ATP2A2: variants seen among roughly 807,000 people sequenced by gnomAD.
The protein encoded by ATP2A2 is ATPase sarcoplasmic/endoplasmic reticulum Ca2+ transporting 2.
A neutral mutation model predicts 109.3 loss-of-function variants in ATP2A2; 14 were observed. The ratio of observed to expected loss-of-function variants is 0.13; its 90% CI spans 0.08 to 0.20. The LOEUF is 0.20. ATP2A2 is among the 10% of genes least tolerant of loss of function. The pLI, the probability that ATP2A2 is intolerant of heterozygous loss-of-function variation, is 1.00. For synonymous variants in ATP2A2, 506 were observed against 490.9 expected (o/e 1.03, Z -0.41); for missense variants, 657 against 1,321.6 (o/e 0.50, Z 7.80).
In ATP2A2 at chr12:110,348,540, G is replaced by A; in HGVS notation, c.*2070G>A. 1.0e-6 allele frequency: 1 copy of A among 985,554 alleles called. No homozygotes were observed. Among genetic ancestry groups the A allele is most frequent in the Non-Finnish European group, 1.2e-6 (1 of 830,062 alleles). 61.1% of individuals were successfully genotyped at this position (985,554 alleles called of 1,614,324 possible). A position where few individuals can be genotyped will look rare whatever the true frequency, so the allele number is the denominator to read the frequency against. ...GAGTTCAGAGGGCCCACGTTCAAGGGATGGAGGTGGAACCTGGAGACCGAC... is the reference window on the plus strand; with the variant it reads ...GAGTTCAGAGGGCCCACGTTCAAGGAATGGAGGTGGAACCTGGAGACCGAC... On this transcript the variant is annotated 3_prime_UTR_variant, in exon 20 of 20. Coordinates refer to ENST00000539276, the MANE Select transcript of ATP2A2 (RefSeq NM_170665.4).
intron 4 of ATP2A2, among the ~76,000 whole-genome samples, chr12:110,292,424 G>A (rs1241249062): frequency 2.6e-5 from 4 of 151,902 alleles, no homozygotes; most frequent in African/African-American, 4.8e-5. Flanking sequence ...GCACCACCAC[G>A]CCCAGCTCAT....
At chr12:110,324,845 T>TA (rs1251368524) in intron 6 of ATP2A2, among the ~76,000 whole-genome samples, 1 of 150,752 alleles carries the variant, frequency 6.6e-6, no homozygotes, top group Non-Finnish European at 1.5e-5. Flanking sequence ...TTTTTTTTTT[T>TA]AAAGACAGAG....
Position 110,346,561 on chromosome 12 carries a change from T to C in ATP2A2, c.*91T>C. On this transcript the variant is annotated 3_prime_UTR_variant, in exon 20 of 20. Transcript: ENST00000539276. The stretch of plus-strand genomic sequence containing the variant: ...TGTCTATTTCTGCTGAATTTTCACA[T>C]GAACATACTGGCTGGTGATGGAGGT... 1 of 1,568,638 alleles carries C rather than the reference T, an allele frequency of 6.4e-7. No homozygotes were observed. The highest frequency in any genetic ancestry group is 8.6e-7 in the Non-Finnish European group (1 of 1,161,320).
At chr12:110,320,734 T>C (rs756109817) in intron 5 of ATP2A2, among the ~76,000 whole-genome samples, 1 of 152,226 alleles carries the variant, frequency 6.6e-6, no homozygotes, top group African/African-American at 2.4e-5. Context: ...TCACCTTAGC[T>C]TGTGTGTCCC....
intron 3 of ATP2A2, among the ~76,000 whole-genome samples, chr12:110,287,290 G>A (rs1257229426): frequency 6.6e-6 from 1 of 152,052 alleles, no homozygotes; most frequent in African/African-American, 2.4e-5. Flanking sequence ...ATACTTATCA[G>A]AAGTATAATG....
At chr12:110,343,196 G>C (rs765981262) in intron 15 of ATP2A2, 36 bp from the exon 16 acceptor site, 2 of 1,600,520 alleles carry the variant, frequency 1.2e-6, no homozygotes, top group East Asian at 2.2e-5. Flanking sequence ...GAAGTCATTT[G>C]GGCTCTCTTT....
At chr12:110,325,986 C>CCA (rs1877756590) in intron 6 of ATP2A2, 1 of 202,706 alleles carries the variant, frequency 4.9e-6, no homozygotes, top group Non-Finnish European at 9.7e-6. Flanking sequence ...ACCTCTGTCT[C>CCA]GAAAAAAAAA....
chr12:110,295,893 C>T (rs1403941756), intron 4 of ATP2A2: 1 of 152,298 alleles, frequency 6.6e-6, no homozygotes, highest in Non-Finnish European at 1.5e-5. Flanking sequence ...GAGAGATACT[C>T]ATCACTCATA....
chr12:110,293,141 G>A (rs750799857), intron 4 of ATP2A2, among the ~76,000 whole-genome samples: 1 of 151,734 alleles, frequency 6.6e-6, no homozygotes, highest in Non-Finnish European at 1.5e-5. Context: ...GCAGTGGCAC[G>A]ATCTCGGCTC....
intron 4 of ATP2A2, among the ~76,000 whole-genome samples, chr12:110,295,025 G>A (rs547908686): frequency 1.2e-4 from 18 of 152,098 alleles, no homozygotes; most frequent in African/African-American, 3.4e-4. Flanking sequence ...CACCATGTTG[G>A]CCAGGCTGGT....
In ATP2A2 at chr12:110,347,389, C is replaced by G. The variant is rs1379728002; in HGVS notation, c.*919C>G. 2.3e-6 allele frequency: 3 copies of G among 1,289,008 alleles called. No individual in the cohort carries two copies. Among genetic ancestry groups the G allele is most frequent in the Non-Finnish European group, 3.0e-6 (3 of 988,686 alleles). The allele number at this position is 1,289,008 out of a possible 1,614,324, so 79.8% of individuals were successfully genotyped here. On this transcript the variant is annotated 3_prime_UTR_variant, in exon 20 of 20. Coordinates refer to ENST00000539276, the MANE Select transcript of ATP2A2 (RefSeq NM_170665.4). ...CTAACAGACATGTCCAACTTTCTCT[C>G]CAGTTCTTAGCTCAGAACTTTAGTT...
intron 5 of ATP2A2, among the ~76,000 whole-genome samples, chr12:110,300,287 A>G (rs1874470753): frequency 6.9e-6 from 1 of 145,612 alleles, no homozygotes; most frequent in African/African-American, 2.6e-5. Context: ...CTTGGCTTCA[A>G]GGGGGTCCTC....
intron 5 of ATP2A2, among the ~76,000 whole-genome samples, chr12:110,303,840 C>T (rs552997116): frequency 4.4e-4 from 67 of 152,324 alleles, no homozygotes; most frequent in African/African-American, 1.5e-3. Flanking sequence ...GGATTACAGG[C>T]GTGAGCCACT....
Position 110,345,509 on chromosome 12 carries a change from G to C in ATP2A2, c.2741+127G>C, listed in dbSNP as rs1879762639. On this transcript the variant is annotated intron_variant, in intron 18 of 19. Transcript: ENST00000539276. The stretch of plus-strand genomic sequence containing the variant: ...TCCCTTCCCAAAAGAAAGGAGAACA[G>C]GCAATACCAGTTTTAAAAGCATGAG... The C allele has an allele frequency of 4.4e-5, 61 of 1,399,566 alleles. No individual in the cohort carries two copies. In the South Asian group the frequency reaches 5.0e-4, roughly 11 times the overall value. The allele number at this position is 1,399,566 out of a possible 1,614,324, so 86.7% of individuals were successfully genotyped here. A position where few individuals can be genotyped will look rare whatever the true frequency, so the allele number is the denominator to read the frequency against.
At chr12:110,305,621 C>G (rs1875204907) in intron 5 of ATP2A2, among the ~76,000 whole-genome samples, 1 of 152,196 alleles carries the variant, frequency 6.6e-6, no homozygotes, top group Non-Finnish European at 1.5e-5. Flanking sequence ...AGGTCAGTAC[C>G]ATACTGTCTT....
chr12:110,288,898 C>G (rs1425051197), intron 3 of ATP2A2, among the ~76,000 whole-genome samples: 1 of 152,168 alleles, frequency 6.6e-6, no homozygotes, highest in Non-Finnish European at 1.5e-5. Context: ...CCTCCCCTTT[C>G]TCTTACCCCA....
At chr12:110,312,614 C>T (rs1413452774) in intron 5 of ATP2A2, among the ~76,000 whole-genome samples, 1 of 151,922 alleles carries the variant, frequency 6.6e-6, no homozygotes, top group Non-Finnish European at 1.5e-5. Context: ...ATTTAGGAGG[C>T]CAAGGCAGGC....
At chr12:110,321,407 C>T (rs915980245) in intron 5 of ATP2A2, among the ~76,000 whole-genome samples, 6 of 152,120 alleles carry the variant, frequency 3.9e-5, no homozygotes, top group African/African-American at 1.4e-4. Context: ...TTTGTAGCTG[C>T]CCTTTCGTAA....
chr12:110,343,664 C>CAATTA (rs2137866074), intron 16 of ATP2A2, among the ~76,000 whole-genome samples: 1 of 152,226 alleles, frequency 6.6e-6, no homozygotes, highest in South Asian at 2.1e-4. Flanking sequence ...TCTGAATGAG[C>CAATTA]AATTAAACAT....
Sources: gnomAD v4.1 joint callset for allele counts (sites outside exome capture counted in the v4.1 genomes callset) on GRCh38, gnomAD v4.1.1 for gene constraint, MANE v1.5 for transcripts, NCBI Gene and HGNC (gene_info 2026-07-23, HGNC 2026-07-21) for gene names.